Variants in AFF1 observed in about 807,000 individuals in gnomAD.
The protein encoded by AFF1 is AF4/FMR2 family member 1.
A neutral mutation model predicts 121.7 loss-of-function variants in AFF1; 48 were observed. That is an observed-to-expected ratio of 0.39 (90% confidence interval 0.31 to 0.50). The LOEUF is 0.50. Among genes scored for constraint, AFF1 ranks in the 20% least tolerant of loss-of-function variants. AFF1 has a pLI of 0.76. For synonymous variants in AFF1, 613 were observed against 563.0 expected (o/e 1.09, Z -1.26); for missense variants, 1,523 against 1,511.7 (o/e 1.01, Z -0.12).
chr4:87,013,873 G>A (rs1727050728), intron 2 of AFF1, among the ~76,000 whole-genome samples: 1 of 152,040 alleles, frequency 6.6e-6, no homozygotes, highest in South Asian at 2.1e-4. Flanking sequence ...GTTCTGGGTG[G>A]AGCTCTGCTG....
intron 2 of AFF1, among the ~76,000 whole-genome samples, chr4:86,977,302 C>T (rs952191139): frequency 6.6e-6 from 1 of 151,834 alleles, no homozygotes; most frequent in Non-Finnish European, 1.5e-5. Flanking sequence ...GGATGATTCA[C>T]GTCCCAGGTG....
At chr4:86,960,254 C>CA (rs1175812795) in intron 2 of AFF1, among the ~76,000 whole-genome samples, 2 of 152,158 alleles carry the variant, frequency 1.3e-5, no homozygotes, top group Admixed American at 6.5e-5. Flanking sequence ...CCCTGAATCT[C>CA]AAACACTACT....
intron 2 of AFF1, among the ~76,000 whole-genome samples, chr4:87,045,679 C>T (rs1192481052): frequency 6.6e-6 from 1 of 151,826 alleles, no homozygotes; most frequent in African/African-American, 2.4e-5. Context: ...GTTTTGGGTG[C>T]CTGGTAATCT....
chr4:87,117,784 G>A (rs563067146), intron 12 of AFF1, among the ~76,000 whole-genome samples: 1 of 152,310 alleles, frequency 6.6e-6, no homozygotes, highest in Admixed American at 6.5e-5. Context: ...TTAACTTCCT[G>A]CTGGATTCTG....
intron 8 of AFF1, among the ~76,000 whole-genome samples, chr4:87,101,389 A>G (rs938338228): frequency 2.6e-5 from 4 of 152,156 alleles, no homozygotes; most frequent in Admixed American, 6.6e-5. Flanking sequence ...GCCTGTGCAT[A>G]TAGTAAGACC....
chr4:86,994,926 G>C (rs966739949), intron 2 of AFF1, among the ~76,000 whole-genome samples: 1 of 152,100 alleles, frequency 6.6e-6, no homozygotes, highest in African/African-American at 2.4e-5. Context: ...AATTGGGAAG[G>C]GTGTTAGATA....
chr4:86,935,282 G>T (rs1748357844), intron 1 of AFF1, 42 bp downstream of exon 1: 1 of 152,420 alleles, frequency 6.6e-6, no homozygotes, highest in African/African-American at 2.4e-5. Flanking sequence ...GGGTCGATCC[G>T]CCCGGCCCCC....
In AFF1 at chr4:87,003,349, G is replaced by A. The variant is rs539670320; in HGVS notation, c.39-42817G>A. Among the ~76,000 whole-genome samples, 989 of 152,258 alleles carry A rather than the reference G, an allele frequency of 6.5e-3. 12 individuals are homozygous for A. The highest frequency in any genetic ancestry group is 0.023 in the African/African-American group (941 of 41,530). On this transcript the variant is annotated intron_variant, in intron 2 of 20. Transcript: ENST00000395146. ...TGTTCTCATAGCTCACTGCAGCCAT[G>A]AAGTCCTGGGCTCACGCAATCCTCT...
intron 4 of AFF1, among the ~76,000 whole-genome samples, chr4:87,079,398 A>T (rs1308856099): frequency 6.6e-6 from 1 of 152,230 alleles, no homozygotes; most frequent in African/African-American, 2.4e-5. Context: ...AGGAGTGAGA[A>T]ATCAGGCCAC....
At chr4:87,108,336 A>T (rs1238652499) in intron 11 of AFF1, 21 bp downstream of exon 11, 1 of 1,608,648 alleles carries the variant, frequency 6.2e-7, no homozygotes, top group Non-Finnish European at 8.5e-7. Flanking sequence ...CCCCCTCGAG[A>T]TGGCCACCTT....
intron 2 of AFF1, chr4:86,949,552 TTTTTC>T (rs1560495677): frequency 6.1e-6 from 4 of 658,482 alleles, no homozygotes; most frequent in African/African-American, 5.8e-5. Context: ...TTTTTTTTTT[TTTTTC>T]CCGACTGGGG....
chr4:86,938,464 A>G (rs900564100), intron 1 of AFF1, among the ~76,000 whole-genome samples: 3 of 151,736 alleles, frequency 2.0e-5, no homozygotes, highest in Non-Finnish European at 4.4e-5. Context: ...AAAAAAAAAA[A>G]AAAGAAAAGG....
chr4:87,120,119 A>G (rs1301742765), intron 12 of AFF1, among the ~76,000 whole-genome samples: 1 of 152,190 alleles, frequency 6.6e-6, no homozygotes, highest in Admixed American at 6.5e-5. Flanking sequence ...GCTGTTCTGA[A>G]TCATGCGTTC....
At chr4:86,981,066 G>A (rs1723715974) in intron 2 of AFF1, among the ~76,000 whole-genome samples, 1 of 152,110 alleles carries the variant, frequency 6.6e-6, no homozygotes, top group African/African-American at 2.4e-5. Flanking sequence ...AGGCTGGAGT[G>A]CAGTGGCACA....
intron 10 of AFF1, among the ~76,000 whole-genome samples, chr4:87,107,791 A>G (rs1228714684): frequency 2.6e-5 from 4 of 152,250 alleles, no homozygotes; most frequent in African/African-American, 9.6e-5. Context: ...TACATTAAAA[A>G]AATGGGTATG....
intron 12 of AFF1, among the ~76,000 whole-genome samples, chr4:87,119,737 AAGG>A (rs1197307045): frequency 6.6e-6 from 1 of 152,226 alleles, no homozygotes; most frequent in Non-Finnish European, 1.5e-5. Flanking sequence ...ATAACTGAAT[AAGG>A]AGGTGCATTC....
rs868847726 is a variant in AFF1, at chr4:87,046,967, G to A, written c.432G>A (p.Gln144=). Residue 144 remains glutamine (Q), a synonymous_variant, in exon 4 of 21, where the codon CAG becomes CAA. Transcript: ENST00000395146. ...GNISHNPKMA[Q]PRTEPMPSLH... is the part of the protein sequence containing the mutation. ...TTAGCCACAATCCAAAGATGGCGCAGCCAAGAACTGAACCAATGCCAAGTC... is the reference window on the plus strand; with the variant it reads ...TTAGCCACAATCCAAAGATGGCGCAACCAAGAACTGAACCAATGCCAAGTC... 2 of 1,614,206 alleles carry A rather than the reference G, an allele frequency of 1.2e-6. No individual in the cohort carries two copies. Among genetic ancestry groups the A allele is most frequent in the African/African-American group, 1.3e-5 (1 of 75,058 alleles).
At chr4:87,095,028 G>A in intron 8 of AFF1, 59 bp downstream of exon 8, 1 of 1,473,828 alleles carries the variant, frequency 6.8e-7, no homozygotes, top group Non-Finnish European at 9.5e-7. Context: ...AATGTCTCAT[G>A]TCAATGCATT....
chr4:87,066,332 A>AG (rs1560591710), intron 4 of AFF1, among the ~76,000 whole-genome samples: 1 of 152,136 alleles, frequency 6.6e-6, no homozygotes, highest in East Asian at 1.9e-4. Flanking sequence ...GGCTGGGTGT[A>AG]GGGGGTCATG....
Sources: gnomAD v4.1 joint callset for allele counts (sites outside exome capture counted in the v4.1 genomes callset) on GRCh38, gnomAD v4.1.1 for gene constraint, MANE v1.5 for transcripts, NCBI Gene and HGNC (gene_info 2026-07-23, HGNC 2026-07-21) for gene names.